Variants in RAPGEF6 observed in about 807,000 individuals in gnomAD.
RAPGEF6 encodes Rap guanine nucleotide exchange factor 6, also known as PDZ domain containing guanine nucleotide exchange factor (GEF) 2.
A neutral mutation model predicts 171.4 loss-of-function variants in RAPGEF6; 56 were observed. The ratio of observed to expected loss-of-function variants is 0.33; its 90% CI spans 0.26 to 0.41. The LOEUF (loss-of-function observed/expected upper bound fraction) is 0.41. RAPGEF6 is among the 10% of genes least tolerant of loss of function. The pLI is 1.00. For missense variants in RAPGEF6, 1,674 were observed against 1,921.4 expected, an observed-to-expected ratio of 0.87 and a Z score of 2.41; for synonymous variants, 692 against 650.1, an observed-to-expected ratio of 1.06 and a Z score of -0.98.
chr5:131,615,907 A>C (rs958012430), intron 1 of RAPGEF6, among the ~76,000 whole-genome samples: 1 of 151,940 alleles, frequency 6.6e-6, no homozygotes, highest in South Asian at 2.1e-4. Context: ...TCTCAATTAA[A>C]AAAAAAAAGA....
chr5:131,540,243 C>G (rs1304802979), intron 6 of RAPGEF6, among the ~76,000 whole-genome samples: 1 of 152,040 alleles, frequency 6.6e-6, no homozygotes, highest in African/African-American at 2.4e-5. Context: ...AACATATAAC[C>G]AACACTCATA....
At chr5:131,514,146 T>C (rs1757924400) in intron 7 of RAPGEF6, among the ~76,000 whole-genome samples, 1 of 152,110 alleles carries the variant, frequency 6.6e-6, no homozygotes, top group African/African-American at 2.4e-5. Context: ...TATTAAAATA[T>C]TAAGAGTATA....
intron 22 of RAPGEF6, among the ~76,000 whole-genome samples, chr5:131,445,900 A>G (rs1399628624): frequency 1.3e-5 from 2 of 152,002 alleles, no homozygotes; most frequent in Non-Finnish European, 2.9e-5. Context: ...ATTATCTTTG[A>G]TTTCTGCTCT....
chr5:131,590,385 T>C (rs908766209), intron 4 of RAPGEF6, among the ~76,000 whole-genome samples: 1 of 152,174 alleles, frequency 6.6e-6, no homozygotes, highest in Admixed American at 6.5e-5. Flanking sequence ...CAACAGCGAC[T>C]CTGTCTCAAA....
At chr5:131,521,572 T>C (rs1758482449) in intron 6 of RAPGEF6, 51 bp from the exon 7 acceptor site, 9 of 1,549,664 alleles carry the variant, frequency 5.8e-6, no homozygotes, top group Non-Finnish European at 7.8e-6. Flanking sequence ...TTTACCTTTT[T>C]AAGCGGTTTC....
At chr5:131,591,074 C>A (rs1031693751) in intron 4 of RAPGEF6, among the ~76,000 whole-genome samples, 1 of 152,120 alleles carries the variant, frequency 6.6e-6, no homozygotes, top group Admixed American at 6.5e-5. Context: ...TTTCATTTAA[C>A]CAAAGGCCAA....
At chr5:131,532,891 TG>T (rs1161505854) in intron 6 of RAPGEF6, 1 of 152,618 alleles carries the variant, frequency 6.6e-6, no homozygotes, top group Non-Finnish European at 1.5e-5. Flanking sequence ...TTATATAATA[TG>T]GTACAAAACC....
intron 23 of RAPGEF6, 60 bp from the exon 24 acceptor site, chr5:131,439,775 G>T: frequency 1.3e-6 from 2 of 1,576,838 alleles, no homozygotes; most frequent in Non-Finnish European, 8.6e-7. Context: ...GTCTATAGTT[G>T]CCTAAATCAC....
intron 1 of RAPGEF6, among the ~76,000 whole-genome samples, chr5:131,629,657 G>A (rs1364459028): frequency 1.3e-5 from 2 of 151,440 alleles, no homozygotes; most frequent in Admixed American, 1.3e-4. Flanking sequence ...TCAGGAGGCT[G>A]AGGTGGGGTC....
At chr5:131,582,067 C>G (rs552191818) in intron 4 of RAPGEF6, among the ~76,000 whole-genome samples, 144 of 152,308 alleles carry the variant, frequency 9.5e-4, no homozygotes, top group African/African-American at 3.3e-3. Flanking sequence ...ATAATCCCAC[C>G]ACCATTCACT....
Position 131,492,796 on chromosome 5 carries a change from G to T in RAPGEF6, c.1528-11C>A. 1 of 1,601,664 alleles carries T rather than the reference G, an allele frequency of 6.2e-7. No homozygotes were observed. The highest frequency in any genetic ancestry group is 1.1e-5 in the South Asian group (1 of 90,780). On this transcript the variant is annotated splice_polypyrimidine_tract_variant and intron_variant, in intron 13 of 27. Transcript: ENST00000509018. ...ATGACCATTCATCTTCTGTTAAGCA[G>T]AAAAGGATAAATGTATATAAATGTA...
chr5:131,506,535 T>C (rs1348633305), intron 9 of RAPGEF6, among the ~76,000 whole-genome samples: 1 of 152,218 alleles, frequency 6.6e-6, no homozygotes, highest in Non-Finnish European at 1.5e-5. Flanking sequence ...AGTTTTAATG[T>C]GATTTAAGGG....
intron 6 of RAPGEF6, among the ~76,000 whole-genome samples, chr5:131,522,593 T>C (rs2149910900): frequency 6.6e-6 from 1 of 152,286 alleles, no homozygotes; most frequent in South Asian, 2.1e-4. Context: ...CCCCTGCTGA[T>C]AATGGTATGT....
intron 6 of RAPGEF6, among the ~76,000 whole-genome samples, chr5:131,538,405 T>C (rs971097335): frequency 1.3e-5 from 2 of 152,204 alleles, no homozygotes; most frequent in East Asian, 3.8e-4. Flanking sequence ...CATGTTACTC[T>C]ACTGAATAAT....
At chr5:131,604,595 G>A in intron 2 of RAPGEF6, 28 bp downstream of exon 2, 4 of 1,605,102 alleles carry the variant, frequency 2.5e-6, no homozygotes, top group Non-Finnish European at 3.4e-6. Flanking sequence ...TATACAGCGT[G>A]TGCTCTTAAA....
At chr5:131,633,239 G>C (rs536714436) in intron 1 of RAPGEF6, among the ~76,000 whole-genome samples, 217 of 152,282 alleles carry the variant, frequency 1.4e-3, no homozygotes, top group African/African-American at 5.0e-3. Flanking sequence ...GGGTGAGGCA[G>C]AACTACTTGA....
Position 131,469,562 on chromosome 5 carries a change from G to A in RAPGEF6, c.2239+3025C>T, listed in dbSNP as rs1754605283. ...TTTGTATTGAGTCAGAAATCCCAAA[G>A]AACATTTCAGAAGTTACAGAATAGC... On this transcript the variant is annotated intron_variant, in intron 17 of 27. Transcript: ENST00000509018. Among the ~76,000 whole-genome samples, 4 of 151,910 alleles carry A rather than the reference G, an allele frequency of 2.6e-5. No individual in the cohort carries two copies. In the South Asian group the frequency reaches 8.3e-4, roughly 32 times the overall value.
At chr5:131,567,525 T>C (rs1762029104) in intron 4 of RAPGEF6, among the ~76,000 whole-genome samples, 1 of 152,212 alleles carries the variant, frequency 6.6e-6, no homozygotes, top group South Asian at 2.1e-4. Context: ...CTATTATTCA[T>C]TTACAAATGT....
At chr5:131,614,696 C>A (rs543490797) in intron 1 of RAPGEF6, among the ~76,000 whole-genome samples, 4 of 152,332 alleles carry the variant, frequency 2.6e-5, no homozygotes, top group Admixed American at 6.5e-5. Context: ...ACAACATACG[C>A]AATGGACAGT....
Sources: allele counts gnomAD v4.1 joint callset (sites outside exome capture counted in the v4.1 genomes callset), GRCh38; gene constraint gnomAD v4.1.1; transcripts MANE v1.5; gene names NCBI Gene and HGNC (gene_info 2026-07-23, HGNC 2026-07-21).